The following DOCK1 variants were observed in gnomAD, a reference collection of about 807,000 sequenced individuals.
DOCK1 encodes the protein dedicator of cytokinesis protein 1.
Under a neutral mutation model 262.7 loss-of-function variants are expected in DOCK1, and 138 were observed. The ratio of observed to expected loss-of-function variants is 0.53; its 90% CI spans 0.46 to 0.61. The LOEUF (loss-of-function observed/expected upper bound fraction) is 0.61. DOCK1 is among the 20% of genes least tolerant of loss of function. The pLI, the probability that DOCK1 is intolerant of heterozygous loss-of-function variation, is 0.00. For missense variants in DOCK1, 1,908 were observed against 2,370.7 expected, an observed-to-expected ratio of 0.80 and a Z score of 4.05; for synonymous variants, 866 against 867.4, an observed-to-expected ratio of 1.00 and a Z score of 0.03.
intron 4 of DOCK1, among the ~76,000 whole-genome samples, chr10:126,983,720 G>A (rs180773946): frequency 7.6e-4 from 115 of 152,142 alleles, no homozygotes; most frequent in Admixed American, 3.0e-3. Flanking sequence ...ATTGACTCTC[G>A]TGAAGGATCT....
At chr10:127,348,329 G>A (rs1457520324) in intron 31 of DOCK1, among the ~76,000 whole-genome samples, 1 of 152,082 alleles carries the variant, frequency 6.6e-6, no homozygotes, top group African/African-American at 2.4e-5. Context: ...TTATTGGGGT[G>A]CAGGAAATAT....
chr10:127,091,184 C>A (rs1313627093), intron 23 of DOCK1, among the ~76,000 whole-genome samples: 2 of 152,062 alleles, frequency 1.3e-5, no homozygotes, highest in Admixed American at 6.6e-5. Context: ...GGGGTTTCAC[C>A]ATGTTAGCCA....
At chr10:127,146,738 G>A (rs2051896871) in intron 27 of DOCK1, among the ~76,000 whole-genome samples, 1 of 152,156 alleles carries the variant, frequency 6.6e-6, no homozygotes, top group African/African-American at 2.4e-5. Context: ...CATTGAAGCA[G>A]GGCTGGAAAG....
At chr10:127,294,186 T>A (rs933018175) in intron 29 of DOCK1, among the ~76,000 whole-genome samples, 1 of 152,220 alleles carries the variant, frequency 6.6e-6, no homozygotes, top group Non-Finnish European at 1.5e-5. Context: ...TTAAGGCCTG[T>A]CTCAGATATA....
Position 127,127,675 on chromosome 10 carries a change from A to G in DOCK1, c.2758A>G (p.Thr920Ala), listed in dbSNP as rs370003810. Reference protein sequence around the residue: ...EVLYRKDVGPTQRHVQIIMEK... With the variant: ...EVLYRKDVGPAQRHVQIIMEK... ...TTGGTGTGTCCTTCCCCAGGGGCCA[A>G]CCCAGAGGCACGTCCAGATTATCAT... The change falls in exon 27 of 52, where the codon ACC (threonine) becomes GCC (alanine). Residue 920 changes from threonine to alanine, a missense_variant. This residue lies in a region of DOCK1 where 518 missense variants were observed against 575.1 expected (regional missense o/e 0.90). Coordinates refer to ENST00000623213, the MANE Select transcript of DOCK1 (RefSeq NM_001290223.2). 1.7e-5 allele frequency: 28 copies of G among 1,611,986 alleles called. No homozygotes were observed. The highest frequency in any genetic ancestry group is 2.7e-5 in the African/African-American group (2 of 74,912).
chr10:127,340,737 A>G (rs1002232824), intron 30 of DOCK1, among the ~76,000 whole-genome samples: 4 of 152,300 alleles, frequency 2.6e-5, no homozygotes, highest in Admixed American at 1.3e-4. Flanking sequence ...ATCTTCTTCA[A>G]CACTGATTTA....
At position 127,175,916 on chromosome 10, in the gene DOCK1, C is replaced by T. The variant is rs778773796; in HGVS notation, c.2847+48152C>T. 1.2e-6 allele frequency: 2 copies of T among 1,614,216 alleles called. No individual in the cohort carries two copies. The highest frequency in any genetic ancestry group is 1.1e-5 in the South Asian group (1 of 91,082). On this transcript the variant is annotated intron_variant, in intron 27 of 51. Coordinates refer to ENST00000623213, the MANE Select transcript of DOCK1 (RefSeq NM_001290223.2). This position sits in a 1 kb window ranked among gnomAD's most constrained non-coding sequence, Gnocchi z 6.3. ...TGTGCACCCGCCCCGCGCCACATGG[C>T]CGGGCCTCCTCCATGGGTCCAGCCT...
intron 29 of DOCK1, among the ~76,000 whole-genome samples, chr10:127,266,189 T>G (rs1238134858): frequency 6.6e-6 from 1 of 152,210 alleles, no homozygotes; most frequent in Non-Finnish European, 1.5e-5. Flanking sequence ...CAATTAAGGG[T>G]GCATAGTTGA....
intron 27 of DOCK1, among the ~76,000 whole-genome samples, chr10:127,143,596 C>A (rs2051486302): frequency 6.6e-6 from 1 of 152,178 alleles, no homozygotes; most frequent in Admixed American, 6.5e-5. Flanking sequence ...TAGGACCAGC[C>A]ATGTCCCCAA....
At chr10:127,279,398 A>T (rs1036096815) in intron 29 of DOCK1, among the ~76,000 whole-genome samples, 1 of 152,224 alleles carries the variant, frequency 6.6e-6, no homozygotes, top group Admixed American at 6.5e-5. Flanking sequence ...ATCTCACACA[A>T]GGTCACATGG....
At chr10:126,997,737 G>A (rs1306473617) in intron 7 of DOCK1, 1 of 245,442 alleles carries the variant, frequency 4.1e-6, no homozygotes, top group Non-Finnish European at 8.1e-6. Flanking sequence ...ACCAAATGTT[G>A]AAGACATAAT....
At chr10:126,928,042 T>TA (rs1167331250) in intron 1 of DOCK1, among the ~76,000 whole-genome samples, 257 of 152,252 alleles carry the variant, frequency 1.7e-3, no homozygotes, top group Non-Finnish European at 2.0e-3. Flanking sequence ...ATACTGAAGA[T>TA]ACTCAGGGGA....
intron 23 of DOCK1, among the ~76,000 whole-genome samples, chr10:127,080,626 G>C (rs2046846083): frequency 6.6e-6 from 1 of 152,082 alleles, no homozygotes; most frequent in East Asian, 1.9e-4. Context: ...GTGCAGAGCT[G>C]AACAGGCTCT....
Position 126,958,239 on chromosome 10 carries a change from T to C in DOCK1, c.47-12463T>C, listed in dbSNP as rs1346858723. Among the ~76,000 whole-genome samples the C allele has an allele frequency of 3.9e-5, 6 of 152,352 alleles. No individual in the cohort carries two copies. The East Asian group carries it at 9.6e-4, about 25-fold the overall frequency. ...ATGTAGATGGATGTGAGCATATTTA[T>C]GTCTGTATATATGCCCATTTGTTAC... On this transcript the variant is annotated intron_variant, in intron 1 of 51. Coordinates refer to ENST00000623213, the MANE Select transcript of DOCK1 (RefSeq NM_001290223.2).
intron 38 of DOCK1, among the ~76,000 whole-genome samples, chr10:127,388,173 C>T (rs1159280686): frequency 6.6e-6 from 1 of 152,192 alleles, no homozygotes; most frequent in Middle Eastern, 3.2e-3. Flanking sequence ...GCAAAACAGA[C>T]TCAAGGAATG....
At chr10:127,168,708 C>T (rs1407574050) in intron 27 of DOCK1, among the ~76,000 whole-genome samples, 1 of 152,206 alleles carries the variant, frequency 6.6e-6, no homozygotes, top group Non-Finnish European at 1.5e-5. Flanking sequence ...GGGATGGGAT[C>T]ACCTCACTGT....
intron 46 of DOCK1, among the ~76,000 whole-genome samples, chr10:127,422,137 A>C (rs1440927473): frequency 2.7e-5 from 4 of 148,704 alleles, no homozygotes; most frequent in African/African-American, 9.9e-5. Flanking sequence ...CACCCCCAAC[A>C]AGACTTGTTA....
In DOCK1 at chr10:127,362,058, T is replaced by C. The variant is rs2133929410; in HGVS notation, c.3284-6T>C. On this transcript the variant is annotated splice_region_variant and splice_polypyrimidine_tract_variant and intron_variant, in intron 32 of 51. Coordinates refer to ENST00000623213, the MANE Select transcript of DOCK1 (RefSeq NM_001290223.2). ...ATTTCTGAATATTGTACCTCTTTTT[T>C]CCAAGGTCAACACAAGATAAAGTTC... The C allele has an allele frequency of 1.3e-6, 2 of 1,599,328 alleles. No individual in the cohort carries two copies. Among genetic ancestry groups the C allele is most frequent in the East Asian group, 2.2e-5 (1 of 44,762 alleles).
rs780525664 is a variant in DOCK1, at chr10:126,990,417, A to G, written c.325-38A>G. On this transcript the variant is annotated intron_variant, in intron 5 of 51. Transcript: ENST00000623213. ...TCTACCATCTCCACAATGCTGTTTT[A>G]TAACAAAATCTTTCTGATTGGGTTT... The G allele has an allele frequency of 4.5e-6, 7 of 1,564,938 alleles. No homozygotes were observed. In the South Asian group the frequency reaches 4.7e-5, roughly 11 times the overall value.
Sources: allele counts gnomAD v4.1 joint callset (sites outside exome capture counted in the v4.1 genomes callset), GRCh38; gene constraint gnomAD v4.1.1; regional missense constraint gnomAD v4.1.1; non-coding constraint Gnocchi (gnomAD v3.1); transcripts MANE v1.5; gene names NCBI Gene and HGNC (gene_info 2026-07-23, HGNC 2026-07-21).